PCDHA2: variants seen among roughly 807,000 people sequenced by gnomAD.
The protein encoded by PCDHA2 is protocadherin alpha-2.
A neutral mutation model predicts 66.0 loss-of-function variants in PCDHA2; 58 were observed. The observed-to-expected ratio is 0.88, with a 90% CI of 0.71 to 1.09. The LOEUF (loss-of-function observed/expected upper bound fraction) is 1.09, where lower values mean the gene tolerates loss of function less well. Among genes scored for constraint, PCDHA2 ranks in the 50% least tolerant of loss-of-function variants. PCDHA2 has a pLI of 0.00. For synonymous variants in PCDHA2, 634 were observed against 554.0 expected, an observed-to-expected ratio of 1.14 and a Z score of -2.03; for missense variants, 1,267 against 1,242.3, an observed-to-expected ratio of 1.02 and a Z score of -0.30.
intron 1 of PCDHA2, chr5:140,858,360 G>C (rs782369682): frequency 1.9e-6 from 3 of 1,592,532 alleles, no homozygotes; most frequent in Non-Finnish European, 2.6e-6. Flanking sequence ...ATGGCCTTCA[G>C]CCCCAGCCTT....
intron 1 of PCDHA2, among the ~76,000 whole-genome samples, chr5:140,884,988 A>G (rs2060423125): frequency 6.6e-6 from 1 of 152,242 alleles, no homozygotes; most frequent in African/African-American, 2.4e-5. Context: ...CATTTAGAAA[A>G]TGTTTGTTTT....
intron 1 of PCDHA2, chr5:140,830,456 C>G: frequency 1.3e-6 from 2 of 1,594,032 alleles, no homozygotes; most frequent in Non-Finnish European, 1.7e-6. Flanking sequence ...GGCGGAGAAT[C>G]AGGATTTAAA....
chr5:140,939,956 A>G (rs2092504641), intron 1 of PCDHA2, among the ~76,000 whole-genome samples: 1 of 152,234 alleles, frequency 6.6e-6, no homozygotes, highest in Non-Finnish European at 1.5e-5. Context: ...AAATTATGTT[A>G]AAGTGTTCCA....
chr5:140,993,346 G>A (rs2097551194), intron 3 of PCDHA2, among the ~76,000 whole-genome samples: 2 of 151,820 alleles, frequency 1.3e-5, no homozygotes, highest in Non-Finnish European at 1.5e-5. Context: ...AGGGCACTAC[G>A]AAGATCCTCA....
intron 1 of PCDHA2, among the ~76,000 whole-genome samples, chr5:140,940,208 A>T (rs1193106137): frequency 6.6e-6 from 1 of 152,164 alleles, no homozygotes; most frequent in Non-Finnish European, 1.5e-5. Flanking sequence ...AAAATTCAAG[A>T]TTGGCATTTA....
intron 2 of PCDHA2, among the ~76,000 whole-genome samples, chr5:140,979,467 ATTG>A (rs1219222898): frequency 6.6e-6 from 1 of 151,680 alleles, no homozygotes; most frequent in Non-Finnish European, 1.5e-5. Context: ...ATTGATTGCT[ATTG>A]TTGTTTGTGT....
rs1314972050 is a variant in PCDHA2, at chr5:141,011,103, T to A, written c.*1166T>A. 6.5e-6 allele frequency: 1 copy of A among 153,762 alleles called. No individual in the cohort carries two copies. Among genetic ancestry groups the A allele is most frequent in the Non-Finnish European group, 1.5e-5 (1 of 68,036 alleles). The allele number at this position is 153,762 out of a possible 1,614,324, so 9.5% of individuals were successfully genotyped here. A position where few individuals can be genotyped will look rare whatever the true frequency, so the allele number is the denominator to read the frequency against. On this transcript the variant is annotated 3_prime_UTR_variant, in exon 4 of 4. Coordinates refer to ENST00000526136, the MANE Select transcript of PCDHA2 (RefSeq NM_018905.3). ...TGATCTCTCTTTCTCTCTCTCTCTC[T>A]CTTTTCTAAGAAACAATTATGTGCA... is the stretch of plus-strand genomic sequence containing the variant.
At chr5:140,835,731 G>C (rs1554135211) in intron 1 of PCDHA2, 20 of 1,613,790 alleles carry the variant, frequency 1.2e-5, no homozygotes, top group Admixed American at 3.3e-5. Flanking sequence ...CGACGTGAAC[G>C]ACAACGCCCC....
intron 1 of PCDHA2, chr5:140,851,535 G>T: frequency 1.1e-6 from 1 of 904,912 alleles, no homozygotes. Flanking sequence ...TGACAATGTA[G>T]ATAATTCAAG....
intron 1 of PCDHA2, among the ~76,000 whole-genome samples, chr5:140,915,100 CACA>C (rs2076984171): frequency 6.6e-6 from 1 of 151,988 alleles, no homozygotes; most frequent in African/African-American, 2.4e-5. Context: ...CACGCACCAC[CACA>C]ACACCCACCT....
intron 1 of PCDHA2, among the ~76,000 whole-genome samples, chr5:140,953,801 T>C (rs2094937379): frequency 6.6e-6 from 1 of 152,204 alleles, no homozygotes; most frequent in Non-Finnish European, 1.5e-5. Flanking sequence ...ACTTTTAAGT[T>C]CTGAGGTGCA....
intron 3 of PCDHA2, among the ~76,000 whole-genome samples, chr5:141,003,429 A>G (rs782300910): frequency 6.6e-5 from 10 of 152,138 alleles, no homozygotes; most frequent in Non-Finnish European, 1.3e-4. Flanking sequence ...CTTATGCCTC[A>G]GCCTCCCAAG....
At chr5:140,822,988 T>G (rs1314541728) in intron 1 of PCDHA2, 1 of 1,614,104 alleles carries the variant, frequency 6.2e-7, no homozygotes, top group African/African-American at 1.3e-5. Context: ...GAATTACTAC[T>G]CGTTGGTGCT....
chr5:140,802,517 C>G, intron 1 of PCDHA2: 2 of 1,614,132 alleles, frequency 1.2e-6, no homozygotes, highest in African/African-American at 1.3e-5. Flanking sequence ...CCACGGCCAG[C>G]GTGTCCGTGG....
chr5:140,849,509 G>A, intron 1 of PCDHA2: 2 of 1,596,674 alleles, frequency 1.3e-6, no homozygotes, highest in Admixed American at 1.7e-5. Flanking sequence ...CACTTCTTGT[G>A]GAAGTTGTGG....
intron 3 of PCDHA2, among the ~76,000 whole-genome samples, chr5:140,983,792 ATG>A (rs1384223147): frequency 6.6e-6 from 1 of 152,212 alleles, no homozygotes; most frequent in Non-Finnish European, 1.5e-5. Context: ...AGATGACAGA[ATG>A]TGTGTGTAAA....
At chr5:140,870,587 A>T (rs1185262788) in intron 1 of PCDHA2, 2 of 1,613,660 alleles carry the variant, frequency 1.2e-6, no homozygotes, top group East Asian at 2.2e-5. Flanking sequence ...TCGCTGGTGG[A>T]GCGGCGGTTG....
At chr5:140,801,335 C>T (rs782420366) in intron 1 of PCDHA2, 2 of 1,613,244 alleles carry the variant, frequency 1.2e-6, no homozygotes, top group Non-Finnish European at 8.5e-7. Flanking sequence ...CCTTCGTGGG[C>T]CGCATCGCGC....
intron 1 of PCDHA2, among the ~76,000 whole-genome samples, chr5:140,904,500 T>C (rs1454204932): frequency 6.6e-6 from 1 of 151,976 alleles, no homozygotes; most frequent in African/African-American, 2.4e-5. Flanking sequence ...ATTTTTACAA[T>C]TGTGAATTGT....
Sources: allele counts gnomAD v4.1 joint callset (sites outside exome capture counted in the v4.1 genomes callset), GRCh38; gene constraint gnomAD v4.1.1; transcripts MANE v1.5; gene names NCBI Gene and HGNC (gene_info 2026-07-23, HGNC 2026-07-21).